Variants in PCCA observed in about 807,000 individuals in gnomAD.
The protein encoded by PCCA is propionyl-CoA carboxylase subunit alpha.
In PCCA, 74 loss-of-function variants were observed where a neutral mutation model predicts 101.3. The observed-to-expected ratio is 0.73, with a 90% CI of 0.61 to 0.89. The LOEUF (loss-of-function observed/expected upper bound fraction) is 0.89. Ranked by LOEUF, PCCA falls within the 40% of genes least tolerant of loss-of-function variation. The probability of loss-of-function intolerance (pLI) is 0.00; values close to 1 mark genes in which losing one functional copy is unlikely to be tolerated. For synonymous variants in PCCA, 294 were observed against 313.6 expected (o/e 0.94, Z 0.66); for missense variants, 891 against 907.0 (o/e 0.98, Z 0.23).
chr13:100,242,487 A>G (rs2061199328), intron 8 of PCCA, among the ~76,000 whole-genome samples: 1 of 152,194 alleles, frequency 6.6e-6, no homozygotes, highest in South Asian at 2.1e-4. Context: ...TGCAACATCT[A>G]GAGAGATCAG....
chr13:100,524,374 C>CGTGTGTGTGTGT (rs1210676697), intron 22 of PCCA, among the ~76,000 whole-genome samples: 19,135 of 138,856 alleles, frequency 0.14, 1,519 homozygotes, highest in South Asian at 0.26. Context: ...CAATTAAGCT[C>CGTGTGTGTGTGT]GTGTGTGTGT....
intron 13 of PCCA, among the ~76,000 whole-genome samples, chr13:100,302,579 T>C (rs2066148125): frequency 6.6e-6 from 1 of 152,174 alleles, no homozygotes; most frequent in African/African-American, 2.4e-5. Flanking sequence ...ATCTTTAGTA[T>C]ACCACATTTG....
chr13:100,218,162 G>A (rs1187271286), intron 7 of PCCA, among the ~76,000 whole-genome samples: 3 of 151,738 alleles, frequency 2.0e-5, no homozygotes, highest in Non-Finnish European at 4.4e-5. Context: ...ATATTTGTAT[G>A]CAAGTATTTG....
chr13:100,385,788 T>G (rs897148734), intron 19 of PCCA, among the ~76,000 whole-genome samples: 11 of 152,080 alleles, frequency 7.2e-5, no homozygotes, highest in Admixed American at 3.9e-4. Flanking sequence ...CTTTTTGTAT[T>G]TTTTATAGAG....
chr13:100,303,824 C>T (rs2066254786), intron 14 of PCCA, among the ~76,000 whole-genome samples: 1 of 151,958 alleles, frequency 6.6e-6, no homozygotes, highest in Non-Finnish European at 1.5e-5. Context: ...GGGACTTGAC[C>T]CTTTCTGTGC....
chr13:100,529,474 C>T (rs1327371417), intron 23 of PCCA, among the ~76,000 whole-genome samples: 4 of 152,090 alleles, frequency 2.6e-5, no homozygotes, highest in South Asian at 2.1e-4. Flanking sequence ...ACACAAATTT[C>T]GGAAAGCAAA....
chr13:100,133,454 C>G (rs1449051492), intron 4 of PCCA, among the ~76,000 whole-genome samples: 1 of 152,094 alleles, frequency 6.6e-6, no homozygotes, highest in Non-Finnish European at 1.5e-5. Context: ...ACTGTCATGT[C>G]TAAGAACTCT....
intron 6 of PCCA, among the ~76,000 whole-genome samples, chr13:100,206,765 A>G (rs1211039159): frequency 6.6e-6 from 1 of 152,144 alleles, no homozygotes; most frequent in East Asian, 1.9e-4. Flanking sequence ...CTCTTCCCTG[A>G]AGCAGGTCCT....
intron 4 of PCCA, among the ~76,000 whole-genome samples, chr13:100,123,356 T>C (rs1306231553): frequency 2.0e-5 from 3 of 152,170 alleles, no homozygotes. Context: ...CACCTGGCCC[T>C]GAATAACTCT....
At chr13:100,137,804 C>CTT (rs34819598) in intron 4 of PCCA, among the ~76,000 whole-genome samples, 1,512 of 144,338 alleles carry the variant, frequency 0.01, 13 homozygotes, top group Middle Eastern at 0.017. Flanking sequence ...ATGTTTAAGT[C>CTT]TTTTTTTTTT....
At chr13:100,500,543 C>T (rs1178685763) in intron 21 of PCCA, among the ~76,000 whole-genome samples, 1 of 152,252 alleles carries the variant, frequency 6.6e-6, no homozygotes, top group South Asian at 2.1e-4. Context: ...GCAGTTAAGG[C>T]TGGTTTCAGC....
intron 20 of PCCA, among the ~76,000 whole-genome samples, chr13:100,437,884 G>A (rs916806861): frequency 6.6e-6 from 1 of 151,992 alleles, no homozygotes; most frequent in African/African-American, 2.4e-5. Flanking sequence ...TGGCCAGGCT[G>A]GTCTTGAACT....
At chr13:100,477,900 C>T (rs1216397899) in intron 21 of PCCA, among the ~76,000 whole-genome samples, 2 of 152,248 alleles carry the variant, frequency 1.3e-5, no homozygotes, top group Non-Finnish European at 2.9e-5. Context: ...GTCCCGTCTG[C>T]AGAGCATGAG....
chr13:100,188,632 A>G (rs1216887480), intron 6 of PCCA, among the ~76,000 whole-genome samples: 2 of 152,228 alleles, frequency 1.3e-5, no homozygotes, highest in East Asian at 3.8e-4. Context: ...AGGAATCTCC[A>G]CACTGTTTTC....
At chr13:100,272,140 G>C (rs1297677320) in intron 11 of PCCA, among the ~76,000 whole-genome samples, 1 of 152,148 alleles carries the variant, frequency 6.6e-6, no homozygotes, top group African/African-American at 2.4e-5. Context: ...AGCTTAACTT[G>C]CCTGCTTGAA....
intron 19 of PCCA, among the ~76,000 whole-genome samples, chr13:100,382,902 T>C (rs1412370241): frequency 6.6e-6 from 1 of 151,816 alleles, no homozygotes; most frequent in East Asian, 1.9e-4. Flanking sequence ...GTTAAATCTA[T>C]GAGAAAGAAA....
chr13:100,422,119 T>TTTCTTTC (rs1226787642), intron 19 of PCCA, among the ~76,000 whole-genome samples: 7 of 82,196 alleles, frequency 8.5e-5, no homozygotes, highest in Admixed American at 1.3e-4. Flanking sequence ...TCTTTCTTTC[T>TTTCTTTC]TTTCTTTCTT....
intron 18 of PCCA, among the ~76,000 whole-genome samples, chr13:100,351,633 A>G (rs1282522712): frequency 6.6e-6 from 1 of 152,214 alleles, no homozygotes; most frequent in Non-Finnish European, 1.5e-5. Flanking sequence ...GAGATTAGAC[A>G]TCTTTTCTAG....
At chr13:100,320,122 C>T (rs540966576) in intron 16 of PCCA, among the ~76,000 whole-genome samples, 2 of 152,256 alleles carry the variant, frequency 1.3e-5, no homozygotes, top group African/African-American at 4.8e-5. Flanking sequence ...ATTTGGCTCT[C>T]TGTTTGTCTG....
Sources: gnomAD v4.1 joint callset for allele counts (sites outside exome capture counted in the v4.1 genomes callset) on GRCh38, gnomAD v4.1.1 for gene constraint, MANE v1.5 for transcripts, NCBI Gene and HGNC (gene_info 2026-07-23, HGNC 2026-07-21) for gene names.